Variants in NR3C1 observed in about 807,000 individuals in gnomAD.
NR3C1 encodes nuclear receptor subfamily 3 group C member 1.
NR3C1 carries 14 observed loss-of-function variants against 74.0 expected under a neutral mutation model. The observed-to-expected ratio is 0.19, with a 90% CI of 0.12 to 0.30. NR3C1 has a LOEUF of 0.30. Ranked by LOEUF, NR3C1 falls within the 10% of genes least tolerant of loss-of-function variation. NR3C1 has a pLI of 1.00. For synonymous variants in NR3C1, 308 were observed against 332.5 expected (o/e 0.93, Z 0.80); for missense variants, 695 against 909.8 (o/e 0.76, Z 3.04).
chr5:143,417,341 T>G (rs1049815502), intron 1 of NR3C1, among the ~76,000 whole-genome samples: 1 of 152,088 alleles, frequency 6.6e-6, no homozygotes. Flanking sequence ...ACTTTATACT[T>G]CTCTCTCTCA....
chr5:143,313,245 T>A (rs1821357090), intron 3 of NR3C1, among the ~76,000 whole-genome samples: 1 of 152,218 alleles, frequency 6.6e-6, no homozygotes, highest in African/African-American at 2.4e-5. Flanking sequence ...TTCTAATAAA[T>A]TTGCTATGGA....
rs1826218977 is a variant in NR3C1, at chr5:143,332,617, G to C, written c.1185-18449C>G. ...ACCACTAGAAAGATGGCAGTAGCAA[G>C]ACAGAAGAAAGGAAAAGGGCTCAGG... On this transcript the variant is annotated intron_variant, in intron 2 of 8. Coordinates refer to ENST00000394464, the MANE Select transcript of NR3C1 (RefSeq NM_000176.3). 2 of 1,476,176 alleles carry C rather than the reference G, an allele frequency of 1.4e-6. 1 individual carries two copies. Among genetic ancestry groups the C allele is most frequent in the South Asian group, 2.4e-5 (2 of 84,762 alleles). The allele number at this position is 1,476,176 out of a possible 1,614,324, so 91.4% of individuals were successfully genotyped here.
At chr5:143,314,223 A>G in intron 2 of NR3C1, 55 bp from the exon 3 acceptor site, 1 of 1,577,090 alleles carries the variant, frequency 6.3e-7, no homozygotes, top group African/African-American at 1.3e-5. Flanking sequence ...ATATCAAAAT[A>G]CAGTTCTCTT....
intron 2 of NR3C1, among the ~76,000 whole-genome samples, chr5:143,338,677 C>A (rs1477956693): frequency 6.6e-6 from 1 of 151,956 alleles, no homozygotes; most frequent in African/African-American, 2.4e-5. Flanking sequence ...AAAAAGGAGT[C>A]AAAATGTTAA....
At chr5:143,415,971 G>A (rs1308133662) in intron 1 of NR3C1, among the ~76,000 whole-genome samples, 1 of 152,128 alleles carries the variant, frequency 6.6e-6, no homozygotes, top group Non-Finnish European at 1.5e-5. Context: ...CTCATGTTTT[G>A]CTATTGATAC....
intron 7 of NR3C1, among the ~76,000 whole-genome samples, chr5:143,287,715 A>G (rs1448132977): frequency 6.6e-6 from 1 of 152,212 alleles, no homozygotes. Context: ...AAAGTTGTAG[A>G]TCAGCATCCT....
At position 143,279,184 on chromosome 5, in the gene NR3C1, A is replaced by AGAT. The variant is rs530975127; in HGVS notation, c.*2702_*2704dup. ...TTAAATCCACAATTAAACATAATTA[A>AGAT]GATGACTTTCTTTTCCCCCACGTAT... On this transcript the variant is annotated 3_prime_UTR_variant, in exon 9 of 9. Transcript: ENST00000394464. The AGAT allele has an allele frequency of 2.0e-5, 13 of 661,012 alleles. No homozygotes were observed. The African/African-American group carries it at 2.1e-4, about 11-fold the overall frequency. The allele number at this position is 661,012 out of a possible 1,614,324, so 40.9% of individuals were successfully genotyped here. A position where few individuals can be genotyped will look rare whatever the true frequency, so the allele number is the denominator to read the frequency against.
chr5:143,387,878 C>T (rs888050386), intron 2 of NR3C1, among the ~76,000 whole-genome samples: 4 of 152,178 alleles, frequency 2.6e-5, no homozygotes, highest in Non-Finnish European at 5.9e-5. Flanking sequence ...AGTGATTACA[C>T]ACACACTTAT....
At chr5:143,351,985 T>C (rs756826426) in intron 2 of NR3C1, among the ~76,000 whole-genome samples, 6 of 152,200 alleles carry the variant, frequency 3.9e-5, no homozygotes, top group Non-Finnish European at 8.8e-5. Context: ...TAAGAGAAGA[T>C]GTTCTAAAGA....
intron 1 of NR3C1, among the ~76,000 whole-genome samples, chr5:143,429,532 A>G (rs1289194010): frequency 1.3e-5 from 2 of 152,180 alleles, no homozygotes; most frequent in African/African-American, 4.8e-5. Flanking sequence ...TCACAAACAA[A>G]ATCTAAACTT....
intron 2 of NR3C1, among the ~76,000 whole-genome samples, chr5:143,354,784 G>T (rs1010061935): frequency 6.6e-6 from 1 of 151,946 alleles, no homozygotes; most frequent in Admixed American, 6.6e-5. Context: ...TTAGCCAGGC[G>T]TGGTGGCACA....
intron 5 of NR3C1, among the ~76,000 whole-genome samples, chr5:143,299,289 C>T (rs544399529): frequency 1.3e-5 from 2 of 150,720 alleles, no homozygotes; most frequent in East Asian, 1.9e-4. Flanking sequence ...GCTGGGATTA[C>T]AGGCGTGAGC....
intron 5 of NR3C1, among the ~76,000 whole-genome samples, chr5:143,299,479 G>C (rs559747697): frequency 1.1e-4 from 16 of 152,300 alleles, no homozygotes; most frequent in African/African-American, 3.4e-4. Context: ...GGATGAAGCG[G>C]GAATGGTTGA....
intron 2 of NR3C1, among the ~76,000 whole-genome samples, chr5:143,371,310 T>C (rs1030211296): frequency 6.6e-6 from 1 of 152,268 alleles, no homozygotes; most frequent in Admixed American, 6.5e-5. Flanking sequence ...TTCTATTCCA[T>C]TCTGAAAAGA....
intron 2 of NR3C1, among the ~76,000 whole-genome samples, chr5:143,383,738 T>C (rs1199512141): frequency 6.6e-5 from 10 of 152,228 alleles, no homozygotes; most frequent in Admixed American, 6.5e-4. Flanking sequence ...GGTATGTTGT[T>C]ATCAATTTAG....
chr5:143,389,722 A>C (rs1218166941), intron 2 of NR3C1, among the ~76,000 whole-genome samples: 1 of 152,250 alleles, frequency 6.6e-6, no homozygotes, highest in Non-Finnish European at 1.5e-5. Flanking sequence ...GCCCATCCAC[A>C]GACTGCACTA....
chr5:143,396,103 AAGGGGACTAGCCAT>A (rs1168788173), intron 2 of NR3C1, among the ~76,000 whole-genome samples: 2 of 151,838 alleles, frequency 1.3e-5, no homozygotes, highest in Non-Finnish European at 3.0e-5. Context: ...ATAAAAATAC[AAGGGGACTAGCCAT>A]AGAAACATCG....
chr5:143,398,384 A>T (rs1358028611), intron 2 of NR3C1, among the ~76,000 whole-genome samples: 1 of 145,918 alleles, frequency 6.9e-6, no homozygotes, highest in Non-Finnish European at 1.5e-5. Flanking sequence ...TTGACAACTA[A>T]GCCTTTTAGA....
At chr5:143,336,012 G>A (rs1294147280) in intron 2 of NR3C1, among the ~76,000 whole-genome samples, 1 of 152,190 alleles carries the variant, frequency 6.6e-6, no homozygotes, top group Non-Finnish European at 1.5e-5. Flanking sequence ...CTGGTGAACT[G>A]GCTATTGATA....
Sources: gnomAD v4.1 joint callset for allele counts (sites outside exome capture counted in the v4.1 genomes callset) on GRCh38, gnomAD v4.1.1 for gene constraint, MANE v1.5 for transcripts, NCBI Gene and HGNC (gene_info 2026-07-23, HGNC 2026-07-21) for gene names.